TAGLN2: variants seen among roughly 807,000 people sequenced by gnomAD.
TAGLN2 encodes the protein transgelin 2.
TAGLN2 carries 14 observed loss-of-function variants against 24.9 expected under a neutral mutation model. The observed-to-expected ratio is 0.56, with a 90% confidence interval of 0.37 to 0.88. The LOEUF (loss-of-function observed/expected upper bound fraction) is 0.88, where lower values mean the gene tolerates loss of function less well. Among genes scored for constraint, TAGLN2 ranks in the 40% least tolerant of loss-of-function variants. TAGLN2 has a pLI of 0.00. For missense variants in TAGLN2, 208 were observed against 258.9 expected, an observed-to-expected ratio of 0.80 and a Z score of 1.35; for synonymous variants, 77 against 98.2, an observed-to-expected ratio of 0.78 and a Z score of 1.28.
At chr1:159,920,790 C>T (rs976656889) in intron 1 of TAGLN2, among the ~76,000 whole-genome samples, 1 of 152,116 alleles carries the variant, frequency 6.6e-6, no homozygotes, top group Non-Finnish European at 1.5e-5. Context: ...TCTGGGTTTT[C>T]TTTGCTTTTT....
intron 4 of TAGLN2, 81 bp downstream of exon 4, chr1:159,919,193 G>T: frequency 1.4e-6 from 2 of 1,424,946 alleles, no homozygotes; most frequent in Non-Finnish European, 2.0e-6. Context: ...AGCTGCTACT[G>T]AGATAAGTTA....
chr1:159,919,290 G>A lies in TAGLN2; in HGVS notation c.442C>T (p.Pro148Ser). 2 of 1,614,196 alleles carry A rather than the reference G, an allele frequency of 1.2e-6. No homozygotes were observed. Among genetic ancestry groups the A allele is most frequent in the Non-Finnish European group, 1.7e-6 (2 of 1,180,010 alleles). Reference protein sequence around the residue: ...ARDDGLFSGDPNWFPKKSKEN... With the variant: ...ARDDGLFSGDSNWFPKKSKEN... ...AATACTTACTTAGGGAACCAGTTGGGATCCCCAGAGAAGAGCCCATCATCT... is the reference window on the plus strand; with the variant it reads ...AATACTTACTTAGGGAACCAGTTGGAATCCCCAGAGAAGAGCCCATCATCT... The change falls in exon 4 of 5, where the codon CCC (proline) becomes TCC (serine). Residue 148 changes from proline (P) to serine (S), a missense_variant. Pro to Ser is a moderately conservative substitution (Grantham distance 74). Coordinates refer to ENST00000368097, the MANE Select transcript of TAGLN2 (RefSeq NM_003564.3).
chr1:159,919,338 G>C lies in TAGLN2; in HGVS notation c.394C>G (p.Leu132Val). ...MACVQRTLMN[L>V]GGLAVARDDG... ...TCTCGGGCTACTGCCAGCCCACCCA[G>C]ATTCATCAGCGTCCGCTGCACACAG... The change falls in exon 4 of 5, where the codon CTG becomes GTG. Residue 132 changes from leucine to valine, a missense_variant. By Grantham distance (32) the Leu-to-Val change is conservative. Coordinates refer to ENST00000368097, the MANE Select transcript of TAGLN2 (RefSeq NM_003564.3). 3.1e-6 allele frequency: 5 copies of C among 1,614,234 alleles called. 1 individual carries two copies. Among genetic ancestry groups the C allele is most frequent in the East Asian group, 2.2e-5 (1 of 44,890 alleles).
At chr1:159,924,000 G>C (rs1412380326) in intron 1 of TAGLN2, among the ~76,000 whole-genome samples, 1 of 152,212 alleles carries the variant, frequency 6.6e-6, no homozygotes, top group Non-Finnish European at 1.5e-5. Flanking sequence ...TGGACAGCGT[G>C]TGGGGGAAGA....
At chr1:159,920,745 C>T (rs1183081624) in intron 1 of TAGLN2, among the ~76,000 whole-genome samples, 1 of 152,124 alleles carries the variant, frequency 6.6e-6, no homozygotes, top group African/African-American at 2.4e-5. Context: ...TGTGGAACAG[C>T]TTAGGAAACT....
chr1:159,922,449 C>T (rs1650564653), intron 1 of TAGLN2, among the ~76,000 whole-genome samples: 1 of 152,176 alleles, frequency 6.6e-6, no homozygotes, highest in Admixed American at 6.5e-5. Context: ...TTGGGGAAGG[C>T]AGGCGGGGTG....
rs1249199729 is a variant in TAGLN2, at chr1:159,922,087, T to C, written c.-28-1550A>G. On this transcript the variant is annotated intron_variant, in intron 1 of 4. Coordinates refer to ENST00000368097, the MANE Select transcript of TAGLN2 (RefSeq NM_003564.3). ...GGTTGGCCTTCAGGGATGAAGTCAC[T>C]CCAGCTCCCCCTCTCCCACACACCC... 2.6e-5 allele frequency among the ~76,000 whole-genome samples: 4 copies of C among 152,170 alleles called. 1 individual carries two copies. Among genetic ancestry groups the C allele is most frequent in the Admixed American group, 6.5e-5 (1 of 15,276 alleles).
intron 2 of TAGLN2, chr1:159,920,055 T>C (rs1650476824): frequency 4.0e-6 from 3 of 758,528 alleles, no homozygotes; most frequent in Non-Finnish European, 6.9e-6. Context: ...TCCTTGCTAA[T>C]ATACCCTCCC....
intron 1 of TAGLN2, 28 bp from the exon 2 acceptor site, chr1:159,920,565 G>T: frequency 6.3e-7 from 1 of 1,599,606 alleles, no homozygotes; most frequent in South Asian, 1.1e-5. Flanking sequence ...CCGGGCTTTT[G>T]GTCAACACCT....
chr1:159,924,716 G>C (rs1650647685), intron 1 of TAGLN2, among the ~76,000 whole-genome samples: 1 of 151,966 alleles, frequency 6.6e-6, no homozygotes, highest in Non-Finnish European at 1.5e-5. Flanking sequence ...GGCCACCACC[G>C]GCTTTCCCAG....
rs749225500 is a variant in TAGLN2, at chr1:159,918,813, C to A, written c.587G>T (p.Arg196Leu). 1 of 1,614,016 alleles carries A rather than the reference C, an allele frequency of 6.2e-7. No homozygotes were observed. Among genetic ancestry groups the A allele is most frequent in the East Asian group, 2.2e-5 (1 of 44,886 alleles). Reference sequence around the variant, plus strand: ...CCTGGGGTGGGATCAGAGGATCTGGCGTGGCATCCCGTAGCCAGTCATGCC... The same window carrying A: ...CCTGGGGTGGGATCAGAGGATCTGGAGTGGCATCCCGTAGCCAGTCATGCC... ...QAGMTGYGMP[R>L]QIL The change falls in exon 5 of 5, where the codon CGC (arginine) becomes CTC (leucine). Residue 196 changes from arginine (R) to leucine (L), a missense_variant. Physicochemically the swap from Arg to Leu is moderately radical, Grantham distance 102. Transcript: ENST00000368097.
intron 1 of TAGLN2, among the ~76,000 whole-genome samples, chr1:159,921,416 G>A (rs1403796865): frequency 6.6e-6 from 1 of 152,060 alleles, no homozygotes; most frequent in African/African-American, 2.4e-5. Context: ...AGTCACACAG[G>A]GCCATGAACC....
chr1:159,919,427 G>A (rs1162084531), intron 3 of TAGLN2, 51 bp from the exon 4 acceptor site: 4 of 1,577,882 alleles, frequency 2.5e-6, no homozygotes, highest in Admixed American at 1.7e-5. Flanking sequence ...CTAGATACCA[G>A]GGTTCCGCCT....
chr1:159,923,023 C>T (rs1650586241), intron 1 of TAGLN2, among the ~76,000 whole-genome samples: 1 of 152,254 alleles, frequency 6.6e-6, no homozygotes. Context: ...GGGGCAGTTC[C>T]AACCAGGCCA....
At chr1:159,923,370 G>C in intron 1 of TAGLN2, 3 of 1,521,714 alleles carry the variant, frequency 2.0e-6, no homozygotes, top group Middle Eastern at 1.7e-4. Flanking sequence ...AGTTACAATA[G>C]GCGGGAAACG....
chr1:159,920,103 C>T, intron 2 of TAGLN2: 1 of 793,992 alleles, frequency 1.3e-6, no homozygotes, highest in South Asian at 1.5e-5. Context: ...CTCAGTGTCA[C>T]CTCAGTCTTC....
At chr1:159,922,142 A>G (rs1352293194) in intron 1 of TAGLN2, among the ~76,000 whole-genome samples, 1 of 151,892 alleles carries the variant, frequency 6.6e-6, no homozygotes, top group African/African-American at 2.4e-5. Flanking sequence ...CCCCCTCTCA[A>G]TGGACCTTGG....
At position 159,918,704 on chromosome 1, in the gene TAGLN2, G is replaced by A. The variant is rs1329365111; in HGVS notation, c.*96C>T. Reference sequence around the variant, plus strand: ...CCCACCCTGACAGAAAGGAGCTTGAGAGCTCTGGGGCTCTCTGGGAATGTC... The same window carrying A: ...CCCACCCTGACAGAAAGGAGCTTGAAAGCTCTGGGGCTCTCTGGGAATGTC... On this transcript the variant is annotated 3_prime_UTR_variant, in exon 5 of 5. Transcript: ENST00000368097. 3 of 1,513,424 alleles carry A rather than the reference G, an allele frequency of 2.0e-6. No individual in the cohort carries two copies. Among genetic ancestry groups the A allele is most frequent in the Admixed American group, 2.0e-5 (1 of 50,568 alleles). 93.7% of individuals were successfully genotyped at this position (1,513,424 alleles called of 1,614,324 possible).
chr1:159,920,636 C>T lies in TAGLN2; in HGVS notation c.-28-99G>A. On this transcript the variant is annotated intron_variant, in intron 1 of 4. Transcript: ENST00000368097. ...CTGCAGGGATATACACCATTTCCCC[C>T]ACGGTGAGCCCCAAGGATGAGGACC... 4 of 1,487,968 alleles carry T rather than the reference C, an allele frequency of 2.7e-6. No homozygotes were observed. In the South Asian group the frequency reaches 4.0e-5, roughly 15 times the overall value. The allele number at this position is 1,487,968 out of a possible 1,614,324, so 92.2% of individuals were successfully genotyped here.
Sources: allele counts gnomAD v4.1 joint callset (sites outside exome capture counted in the v4.1 genomes callset), GRCh38; gene constraint gnomAD v4.1.1; transcripts MANE v1.5; gene names NCBI Gene and HGNC (gene_info 2026-07-23, HGNC 2026-07-21).